Variants in PTPRD observed in about 807,000 individuals in gnomAD.
The protein encoded by PTPRD is protein tyrosine phosphatase receptor type D.
A neutral mutation model predicts 214.5 loss-of-function variants in PTPRD; 34 were observed. The observed-to-expected ratio is 0.16, with a 90% CI of 0.12 to 0.21. The LOEUF is 0.21. Among genes scored for constraint, PTPRD ranks in the 10% least tolerant of loss-of-function variants. The probability of loss-of-function intolerance (pLI) is 1.00; values close to 1 mark genes in which losing one functional copy is unlikely to be tolerated. For missense variants in PTPRD, 2,545 were observed against 2,398.7 expected (o/e 1.06, Z -1.27); for synonymous variants, 1,128 against 845.7 (o/e 1.33, Z -5.79).
intron 14 of PTPRD, among the ~76,000 whole-genome samples, chr9:8,615,754 T>A (rs540561874): frequency 4.3e-4 from 66 of 151,930 alleles, no homozygotes; most frequent in African/African-American, 1.5e-3. Context: ...GAAAAAAAAA[T>A]TTTGAGAGGA....
At chr9:9,336,270 G>C (rs948986220) in intron 9 of PTPRD, among the ~76,000 whole-genome samples, 21 of 152,242 alleles carry the variant, frequency 1.4e-4, no homozygotes, top group Non-Finnish European at 1.8e-4. Flanking sequence ...AAAGAATGTA[G>C]AGATGTTGGT....
At chr9:9,492,431 G>A (rs1004484712) in intron 8 of PTPRD, among the ~76,000 whole-genome samples, 1 of 151,626 alleles carries the variant, frequency 6.6e-6, no homozygotes, top group Admixed American at 6.6e-5. Context: ...AAATCCAGCA[G>A]CATGTTAACA....
chr9:10,468,238 T>C (rs1001661801), intron 2 of PTPRD, among the ~76,000 whole-genome samples: 1 of 151,990 alleles, frequency 6.6e-6, no homozygotes, highest in Non-Finnish European at 1.5e-5. Flanking sequence ...ATAGCAAAAC[T>C]TGTAACCAAC....
At chr9:8,765,008 C>T (rs1318701460) in intron 11 of PTPRD, among the ~76,000 whole-genome samples, 1 of 152,002 alleles carries the variant, frequency 6.6e-6, no homozygotes, top group Non-Finnish European at 1.5e-5. Flanking sequence ...CACTGTTCTG[C>T]TCTATTAATT....
At chr9:8,978,475 T>C (rs1387238730) in intron 11 of PTPRD, among the ~76,000 whole-genome samples, 1 of 152,120 alleles carries the variant, frequency 6.6e-6, no homozygotes, top group East Asian at 1.9e-4. Context: ...TTTAGGTACA[T>C]GGAGTCAGCA....
chr9:9,924,902 T>C (rs879316533), intron 5 of PTPRD, among the ~76,000 whole-genome samples: 1 of 152,132 alleles, frequency 6.6e-6, no homozygotes, highest in Admixed American at 6.6e-5. Context: ...GTCCTTGCTT[T>C]CAACTCCTAG....
chr9:9,473,012 A>T (rs140108646), intron 8 of PTPRD, among the ~76,000 whole-genome samples: 1 of 152,186 alleles, frequency 6.6e-6, no homozygotes, highest in Admixed American at 6.5e-5. Context: ...TTGAAAATAT[A>T]TATGAAATTA....
intron 5 of PTPRD, among the ~76,000 whole-genome samples, chr9:9,802,361 G>A (rs541933882): frequency 6.6e-6 from 1 of 151,892 alleles, no homozygotes; most frequent in East Asian, 1.9e-4. Context: ...GGTCAAAAGG[G>A]CACATAATTA....
At chr9:10,362,062 CT>C (rs1377629107) in intron 2 of PTPRD, among the ~76,000 whole-genome samples, 130 of 152,314 alleles carry the variant, frequency 8.5e-4, no homozygotes, top group African/African-American at 3.0e-3. Context: ...CCATCAACAT[CT>C]AGTCAGCAAC....
At chr9:10,030,616 A>G (rs1318208184) in intron 4 of PTPRD, among the ~76,000 whole-genome samples, 1 of 152,210 alleles carries the variant, frequency 6.6e-6, no homozygotes, top group Non-Finnish European at 1.5e-5. Context: ...GCTCAGGGAA[A>G]TAAGAAGGGT....
At chr9:9,717,168 C>T (rs371209034) in intron 7 of PTPRD, among the ~76,000 whole-genome samples, 6 of 151,906 alleles carry the variant, frequency 3.9e-5, no homozygotes, top group South Asian at 2.1e-4. Flanking sequence ...TGTAGATATG[C>T]GGCGTTATTT....
intron 3 of PTPRD, among the ~76,000 whole-genome samples, chr9:10,175,121 C>G (rs1319082212): frequency 6.6e-6 from 1 of 151,994 alleles, no homozygotes; most frequent in East Asian, 1.9e-4. Flanking sequence ...GAGATAAGAA[C>G]TACTCAATGG....
chr9:8,637,526 A>G (rs564520379), intron 12 of PTPRD, among the ~76,000 whole-genome samples: 12 of 152,334 alleles, frequency 7.9e-5, no homozygotes, highest in Non-Finnish European at 1.8e-4. Flanking sequence ...AAAGATTACT[A>G]AGGCTAGCAA....
chr9:8,388,982 CT>C (rs34248103), intron 37 of PTPRD, among the ~76,000 whole-genome samples: 53,759 of 130,022 alleles, frequency 0.41, 7,950 homozygotes, highest in East Asian at 0.59. Context: ...GTGAATATTC[CT>C]TTTTTTTTTT....
intron 23 of PTPRD, among the ~76,000 whole-genome samples, chr9:8,502,816 AT>A (rs1393141067): frequency 6.7e-6 from 1 of 150,002 alleles, no homozygotes; most frequent in Non-Finnish European, 1.5e-5. Flanking sequence ...TGATGTGCTT[AT>A]AAAAAGTCTA....
At chr9:8,616,145 C>A (rs1163482305) in intron 14 of PTPRD, among the ~76,000 whole-genome samples, 1 of 152,094 alleles carries the variant, frequency 6.6e-6, no homozygotes, top group Non-Finnish European at 1.5e-5. Flanking sequence ...ACTCTACCAC[C>A]AAACCTCATA....
intron 6 of PTPRD, among the ~76,000 whole-genome samples, chr9:9,738,757 T>C (rs952086602): frequency 1.3e-5 from 2 of 152,114 alleles, no homozygotes; most frequent in African/African-American, 4.8e-5. Context: ...GCTCACTTTT[T>C]AATTGGGTTG....
chr9:10,485,266 C>T (rs1380017227), intron 2 of PTPRD, among the ~76,000 whole-genome samples: 5 of 151,998 alleles, frequency 3.3e-5, no homozygotes, highest in African/African-American at 7.2e-5. Context: ...GTTACTATAG[C>T]CCTGTGGTAT....
chr9:8,369,870 C>A (rs1385820636), intron 39 of PTPRD, among the ~76,000 whole-genome samples: 1 of 151,984 alleles, frequency 6.6e-6, no homozygotes, highest in Non-Finnish European at 1.5e-5. Flanking sequence ...GAAATTACAG[C>A]TTTTTCCCAA....
Sources: allele counts gnomAD v4.1 joint callset (sites outside exome capture counted in the v4.1 genomes callset), GRCh38; gene constraint gnomAD v4.1.1; transcripts MANE v1.5; gene names NCBI Gene and HGNC (gene_info 2026-07-23, HGNC 2026-07-21).